Variants in ERAP1 observed in about 807,000 individuals in gnomAD.
ERAP1 encodes the protein endoplasmic reticulum aminopeptidase 1, also known as adipocyte-derived leucine aminopeptidase.
In ERAP1, 86 loss-of-function variants were observed where a neutral mutation model predicts 103.7. The ratio of observed to expected loss-of-function variants is 0.83; its 90% CI spans 0.70 to 0.99. The LOEUF (loss-of-function observed/expected upper bound fraction) is 0.99. ERAP1 is among the 50% of genes least tolerant of loss of function. ERAP1 has a pLI of 0.00. For missense variants in ERAP1, 1,009 were observed against 1,128.4 expected, an observed-to-expected ratio of 0.89 and a Z score of 1.52; for synonymous variants, 398 against 402.4, an observed-to-expected ratio of 0.99 and a Z score of 0.13.
the ERAP1 span, among the ~76,000 whole-genome samples, chr5:96,844,321 C>G: frequency 1.3e-5 from 2 of 152,340 alleles, no homozygotes; most frequent in African/African-American, 4.8e-5. Flanking sequence ...TTCAAATATA[C>G]TTACTGCTCT....
the ERAP1 span, among the ~76,000 whole-genome samples, chr5:96,871,410 C>G: frequency 3.3e-5 from 5 of 152,122 alleles, no homozygotes; most frequent in African/African-American, 4.8e-5. Flanking sequence ...TGGCCAGAAG[C>G]AAAAGTTTTT....
intron 18 of ERAP1, among the ~76,000 whole-genome samples, chr5:96,778,858 G>A (rs983913184): frequency 5.3e-5 from 8 of 152,282 alleles, no homozygotes; most frequent in Non-Finnish European, 1.0e-4. Flanking sequence ...CAGGACTTGC[G>A]TAGTTAGATG....
At chr5:96,806,638 T>C (rs2151013083) in intron 1 of ERAP1, among the ~76,000 whole-genome samples, 1 of 147,702 alleles carries the variant, frequency 6.8e-6, no homozygotes, top group East Asian at 1.9e-4. Context: ...TTTTTTTTTT[T>C]TTTTTTTTTG....
At chr5:96,846,141 A>C in the ERAP1 span, among the ~76,000 whole-genome samples, 2 of 152,212 alleles carry the variant, frequency 1.3e-5, no homozygotes, top group Admixed American at 1.3e-4. Context: ...CCATGATTGT[A>C]ATGTATTCTC....
At chr5:96,830,207 C>A in the ERAP1 span, among the ~76,000 whole-genome samples, 1 of 152,156 alleles carries the variant, frequency 6.6e-6, no homozygotes, top group Admixed American at 6.5e-5. Flanking sequence ...AGACTGCAGA[C>A]CAGCTTGTGG....
chr5:96,831,836 C>A, the ERAP1 span, among the ~76,000 whole-genome samples: 1 of 152,228 alleles, frequency 6.6e-6, no homozygotes, highest in Non-Finnish European at 1.5e-5. Flanking sequence ...AGCCCTCTGC[C>A]TTGCCCATTG....
At chr5:96,905,775 T>C in the ERAP1 span, among the ~76,000 whole-genome samples, 2 of 152,062 alleles carry the variant, frequency 1.3e-5, no homozygotes, top group East Asian at 3.9e-4. Context: ...TCCCAGCTAC[T>C]TGGGTGGCTG....
At chr5:96,857,463 G>A in the ERAP1 span, among the ~76,000 whole-genome samples, 1 of 151,602 alleles carries the variant, frequency 6.6e-6, no homozygotes, top group Non-Finnish European at 1.5e-5. Context: ...TTTGTGTGAT[G>A]AAATACAAAA....
chr5:96,903,629 A>G, the ERAP1 span: 1 of 1,367,842 alleles, frequency 7.3e-7, no homozygotes, highest in Non-Finnish European at 1.0e-6. Flanking sequence ...AGACTTCAAT[A>G]TTGAATGTTC....
At chr5:96,903,346 T>C in the ERAP1 span, 1 of 1,548,570 alleles carries the variant, frequency 6.5e-7, no homozygotes. Flanking sequence ...TTGTTGATAA[T>C]AAAATGCCTA....
the ERAP1 span, among the ~76,000 whole-genome samples, chr5:96,829,651 A>G: frequency 2.6e-5 from 4 of 152,226 alleles, no homozygotes; most frequent in Non-Finnish European, 5.9e-5. Context: ...TTAAGCAATT[A>G]CAACATGCGG....
the ERAP1 span, chr5:96,917,352 C>G: frequency 3.3e-6 from 3 of 914,610 alleles, no homozygotes; most frequent in Admixed American, 7.8e-5. Flanking sequence ...AACTCCTGAG[C>G]TCAATTGATC....
chr5:96,881,743 G>A, the ERAP1 span, among the ~76,000 whole-genome samples: 8 of 152,234 alleles, frequency 5.3e-5, no homozygotes, highest in East Asian at 7.7e-4. Context: ...TAGGCATCAA[G>A]TCCACATTCT....
intron 7 of ERAP1, 126 bp downstream of exon 7, chr5:96,793,274 C>A: frequency 1.3e-6 from 1 of 775,654 alleles, no homozygotes; most frequent in Non-Finnish European, 2.2e-6. Flanking sequence ...CATATCTAAA[C>A]TGTCAAGGAA....
chr5:96,895,481 A>G, the ERAP1 span: 2 of 706,700 alleles, frequency 2.8e-6, no homozygotes, highest in African/African-American at 1.8e-5. Flanking sequence ...AACATATGGC[A>G]TTTTGTTTGA....
chr5:96,854,703 T>C, the ERAP1 span, among the ~76,000 whole-genome samples: 2 of 152,196 alleles, frequency 1.3e-5, no homozygotes, highest in Non-Finnish European at 2.9e-5. Flanking sequence ...TATGCTATTA[T>C]GGTTCAATTT....
At chr5:96,765,081 C>T in intron 19 of ERAP1, 1 of 651,210 alleles carries the variant, frequency 1.5e-6, no homozygotes. Flanking sequence ...CTGACCCTGT[C>T]TACTCCCCTG....
chr5:96,840,712 C>T, the ERAP1 span, among the ~76,000 whole-genome samples: 2 of 140,684 alleles, frequency 1.4e-5, no homozygotes, highest in African/African-American at 2.6e-5. Flanking sequence ...TTCTTTTTTT[C>T]TTTTTTTTTT....
intron 3 of ERAP1, among the ~76,000 whole-genome samples, chr5:96,797,536 C>G (rs549478250): frequency 6.6e-6 from 1 of 152,030 alleles, no homozygotes; most frequent in Non-Finnish European, 1.5e-5. Flanking sequence ...GCTGGTGGTG[C>G]GTGCCTGTAG....
Sources: gnomAD v4.1 joint callset for allele counts (sites outside exome capture counted in the v4.1 genomes callset) on GRCh38, gnomAD v4.1.1 for gene constraint, MANE v1.5 for transcripts, NCBI Gene and HGNC (gene_info 2026-07-23, HGNC 2026-07-21) for gene names.